The following LHFPL4 variants were observed in gnomAD, a reference collection of about 807,000 sequenced individuals.
LHFPL4 encodes LHFPL tetraspan subfamily member 4.
Under a neutral mutation model 20.0 loss-of-function variants are expected in LHFPL4, and 6 were observed. The observed-to-expected ratio is 0.30, with a 90% CI of 0.16 to 0.59. The LOEUF is 0.59. LHFPL4 is among the 20% of genes least tolerant of loss of function. The pLI is 0.88. For synonymous variants in LHFPL4, 129 were observed against 143.8 expected, an observed-to-expected ratio of 0.90 and a Z score of 0.74; for missense variants, 215 against 331.2, an observed-to-expected ratio of 0.65 and a Z score of 2.72.
chr3:9,505,404 G>C (rs1475990276), intron 3 of LHFPL4, among the ~76,000 whole-genome samples: 1 of 151,606 alleles, frequency 6.6e-6, no homozygotes, highest in Non-Finnish European at 1.5e-5. Context: ...TGAGTAGCTG[G>C]GACCACAGGC....
At chr3:9,521,646 G>A (rs1335817336) in intron 2 of LHFPL4, among the ~76,000 whole-genome samples, 1 of 150,698 alleles carries the variant, frequency 6.6e-6, no homozygotes, top group South Asian at 2.1e-4. Flanking sequence ...TTTGTGATCT[G>A]CCTGCCTTGG....
chr3:9,535,793 T>C (rs545738674), intron 2 of LHFPL4, among the ~76,000 whole-genome samples: 2 of 151,900 alleles, frequency 1.3e-5, no homozygotes, highest in South Asian at 4.2e-4. Flanking sequence ...TTTCCTATAT[T>C]TTTATTTTCA....
chr3:9,540,490 C>T (rs2046470392), intron 2 of LHFPL4, among the ~76,000 whole-genome samples: 2 of 152,164 alleles, frequency 1.3e-5, no homozygotes, highest in Admixed American at 1.3e-4. Context: ...GTGATGTCTG[C>T]TATCAGGACA....
chr3:9,529,550 C>T (rs1237731729), intron 2 of LHFPL4, among the ~76,000 whole-genome samples: 2 of 152,186 alleles, frequency 1.3e-5, no homozygotes, highest in Non-Finnish European at 2.9e-5. Context: ...CAGCATTAAC[C>T]TCCTTGTACA....
In LHFPL4 at chr3:9,547,013, C is replaced by T. The variant is rs181917512; in HGVS notation, c.406+5261G>A. ...TTCGTTTTGTTTTATTTTTGAGACA[C>T]GGTCTGGCTCTGTTGCCCAGGCTAG... On this transcript the variant is annotated intron_variant, in intron 2 of 3. Coordinates refer to ENST00000287585, the MANE Select transcript of LHFPL4 (RefSeq NM_198560.3). 3.4e-3 allele frequency among the ~76,000 whole-genome samples: 515 copies of T among 152,244 alleles called. 1 individual carries two copies. The highest frequency in any genetic ancestry group is 5.9e-3 in the Non-Finnish European group (402 of 68,020).
intron 2 of LHFPL4, among the ~76,000 whole-genome samples, chr3:9,520,409 A>C (rs894337098): frequency 1.3e-5 from 2 of 152,060 alleles, no homozygotes; most frequent in Non-Finnish European, 2.9e-5. Context: ...GCTGGAGTGC[A>C]GTGGTGCAAT....
chr3:9,520,446 C>T (rs1574843395), intron 2 of LHFPL4, among the ~76,000 whole-genome samples: 4 of 152,026 alleles, frequency 2.6e-5, no homozygotes, highest in African/African-American at 7.2e-5. Flanking sequence ...CTCTGCTTCC[C>T]GAGTTCAAGA....
Position 9,500,899 on chromosome 3 carries a change from C to G in LHFPL4, c.*1312G>C, listed in dbSNP as rs1013678931. On this transcript the variant is annotated 3_prime_UTR_variant, in exon 4 of 4. Transcript: ENST00000287585. ...CTGCCAAGGGGAAGGGAGACGCCCC[C>G]ACAGTGGGTGGAGGGGGGAGAAACT... 1 of 152,484 alleles carries G rather than the reference C, an allele frequency of 6.6e-6. No individual in the cohort carries two copies. Among genetic ancestry groups the G allele is most frequent in the African/African-American group, 2.4e-5 (1 of 41,454 alleles). The allele number at this position is 152,484 out of a possible 1,614,324, so 9.4% of individuals were successfully genotyped here.
At chr3:9,520,802 A>G (rs1308264800) in intron 2 of LHFPL4, among the ~76,000 whole-genome samples, 1 of 152,070 alleles carries the variant, frequency 6.6e-6, no homozygotes, top group Non-Finnish European at 1.5e-5. Flanking sequence ...TGGTTCTTAC[A>G]TTTGTTAAGG....
intron 2 of LHFPL4, among the ~76,000 whole-genome samples, chr3:9,516,148 A>G (rs1422656987): frequency 2.0e-5 from 3 of 152,200 alleles, no homozygotes; most frequent in Non-Finnish European, 4.4e-5. Context: ...TCAGTGTTGT[A>G]TCTAAAAAGT....
intron 2 of LHFPL4, among the ~76,000 whole-genome samples, chr3:9,521,557 C>G (rs1185980533): frequency 6.6e-6 from 1 of 151,916 alleles, no homozygotes; most frequent in South Asian, 2.1e-4. Flanking sequence ...CCCGCCACCA[C>G]GCCCGGCTAA....
chr3:9,537,072 C>T (rs1218634892), intron 2 of LHFPL4, among the ~76,000 whole-genome samples: 1 of 152,054 alleles, frequency 6.6e-6, no homozygotes, highest in Non-Finnish European at 1.5e-5. Context: ...GGCAACAGAG[C>T]AAGACCCTGT....
chr3:9,508,999 C>T (rs2046239229), intron 2 of LHFPL4, among the ~76,000 whole-genome samples: 1 of 152,204 alleles, frequency 6.6e-6, no homozygotes, highest in African/African-American at 2.4e-5. Context: ...CTGCAGTAGT[C>T]GGTGGCTCCC....
At chr3:9,536,304 G>T (rs1267422211) in intron 2 of LHFPL4, among the ~76,000 whole-genome samples, 3 of 152,216 alleles carry the variant, frequency 2.0e-5, no homozygotes, top group African/African-American at 7.2e-5. Context: ...GGGAGACTGA[G>T]CTTCTCCTTT....
At chr3:9,517,686 C>CAA (rs59022029) in intron 2 of LHFPL4, among the ~76,000 whole-genome samples, 61 of 96,462 alleles carry the variant, frequency 6.3e-4, no homozygotes, top group African/African-American at 1.5e-3. Flanking sequence ...GACTCTGTCT[C>CAA]AAAAAAAAAA....
chr3:9,520,257 G>A (rs911435628), intron 2 of LHFPL4, among the ~76,000 whole-genome samples: 9 of 151,996 alleles, frequency 5.9e-5, no homozygotes, highest in Admixed American at 1.3e-4. Context: ...GGAATTTGAC[G>A]CAAGACTGGG....
intron 2 of LHFPL4, among the ~76,000 whole-genome samples, chr3:9,512,941 A>AT (rs1286588259): frequency 1.3e-5 from 2 of 151,010 alleles, no homozygotes; most frequent in Non-Finnish European, 3.0e-5. Flanking sequence ...ACTCTAGGAC[A>AT]TTTTTTTGTT....
At position 9,551,459 on chromosome 3, in the gene LHFPL4, G is replaced by A. The variant is rs1005997152; in HGVS notation, c.406+815C>T. Reference sequence around the variant, plus strand: ...CTCTGATCGAAAGGTGGGTGGAAGTGGGGGACTCTAATGGATCCTGGAAAA... The same window carrying A: ...CTCTGATCGAAAGGTGGGTGGAAGTAGGGGACTCTAATGGATCCTGGAAAA... On this transcript the variant is annotated intron_variant, in intron 2 of 3. Transcript: ENST00000287585. 3.3e-5 allele frequency among the ~76,000 whole-genome samples: 5 copies of A among 152,096 alleles called. No individual in the cohort carries two copies. In the East Asian group the frequency reaches 7.7e-4, roughly 23 times the overall value.
intron 2 of LHFPL4, among the ~76,000 whole-genome samples, chr3:9,524,484 T>C (rs2046361165): frequency 6.6e-6 from 1 of 152,208 alleles, no homozygotes; most frequent in South Asian, 2.1e-4. Context: ...AGGTTTCTAC[T>C]GACATATCTT....
Sources: gnomAD v4.1 joint callset for allele counts (sites outside exome capture counted in the v4.1 genomes callset) on GRCh38, gnomAD v4.1.1 for gene constraint, MANE v1.5 for transcripts, NCBI Gene and HGNC (gene_info 2026-07-23, HGNC 2026-07-21) for gene names.